Variants in ADNP2 observed in about 807,000 individuals in gnomAD.
The protein encoded by ADNP2 is ADNP homeobox 2, also known as activity-dependent neuroprotector homeobox protein 2.
A neutral mutation model predicts 16.4 loss-of-function variants in ADNP2; 8 were observed. The ratio of observed to expected loss-of-function variants is 0.49; its 90% confidence interval spans 0.29 to 0.88. ADNP2 has a LOEUF of 0.88. ADNP2 is among the 40% of genes least tolerant of loss of function. ADNP2 has a pLI of 0.09. For synonymous variants in ADNP2, 637 were observed against 545.8 expected (o/e 1.17, Z -2.33); for missense variants, 1,397 against 1,395.1 (o/e 1.00, Z -0.02).
Position 80,138,834 on chromosome 18 carries a change from ACTC to A in ADNP2, c.*26_*28del. 7.0e-7 allele frequency: 1 copy of A among 1,435,026 alleles called. No homozygotes were observed. 88.9% of individuals were successfully genotyped at this position (1,435,026 alleles called of 1,614,324 possible). A position where few individuals can be genotyped will look rare whatever the true frequency, so the allele number is the denominator to read the frequency against. ...AAACTTGCAAAAAAAAAAAAAAGTA[ACTC>A]TAAAGTAGTAGGTAGATTTTTTTCA... On this transcript the variant is annotated 3_prime_UTR_variant, in exon 4 of 4. Coordinates refer to ENST00000262198, the MANE Select transcript of ADNP2 (RefSeq NM_014913.4).
intron 2 of ADNP2, among the ~76,000 whole-genome samples, chr18:80,132,617 TTC>T (rs1234575907): frequency 6.6e-6 from 1 of 151,984 alleles, no homozygotes; most frequent in African/African-American, 2.4e-5. Flanking sequence ...CTCTTTCTCT[TTC>T]TTTTTTCTCT....
Position 80,136,211 on chromosome 18 carries a change from T to G in ADNP2, c.798T>G (p.Ile266Met). Residue 266 changes from isoleucine (I) to methionine (M), a missense_variant, in exon 4 of 4, where the codon ATT becomes ATG. Transcript: ENST00000262198. Reference sequence around the variant, plus strand: ...CTGGACTCTTGAAGCAAACGCACATTGCTCCAAAACCAGCAGCACATTTGG... The same window carrying G: ...CTGGACTCTTGAAGCAAACGCACATGGCTCCAAAACCAGCAGCACATTTGG... ...KRTGLLKQTH[I>M]APKPAAHLAA... The G allele has an allele frequency of 6.2e-7, 1 of 1,614,260 alleles. No individual in the cohort carries two copies. The highest frequency in any genetic ancestry group is 8.5e-7 in the Non-Finnish European group (1 of 1,180,042).
In ADNP2 at chr18:80,135,638, T is replaced by C; in HGVS notation, c.225T>C (p.Cys75=). The C allele has an allele frequency of 6.2e-7, 1 of 1,614,112 alleles. No individual in the cohort carries two copies. The highest frequency in any genetic ancestry group is 8.5e-7 in the Non-Finnish European group (1 of 1,179,946). ...KVRYRTKPYC[C]GLCKYSTKVL... ...GATATCGAACAAAGCCATACTGTTGTGGCCTCTGTAAATACTCTACAAAGG... is the reference window on the plus strand; with the variant it reads ...GATATCGAACAAAGCCATACTGTTGCGGCCTCTGTAAATACTCTACAAAGG... The change falls in exon 4 of 4, where the codon TGT becomes TGC. Residue 75 remains cysteine (C), a synonymous_variant. Coordinates refer to ENST00000262198, the MANE Select transcript of ADNP2 (RefSeq NM_014913.4).
chr18:80,118,000 T>G (rs909791815), intron 2 of ADNP2, among the ~76,000 whole-genome samples: 1 of 152,010 alleles, frequency 6.6e-6, no homozygotes, highest in East Asian at 1.9e-4. Context: ...AATGATAGGG[T>G]TTTTTTTAAT....
chr18:80,120,931 G>A (rs1442971948), intron 2 of ADNP2, among the ~76,000 whole-genome samples: 1 of 152,152 alleles, frequency 6.6e-6, no homozygotes, highest in African/African-American at 2.4e-5. Context: ...GAATTATGCT[G>A]CAATGAACAT....
rs1011709821 is a variant in ADNP2 at position 80,137,346 on chromosome 18, C to G, written c.1933C>G (p.Pro645Ala). ...APPQMPIQLLPSGAAAPMAGS... is the reference protein window; with the variant it reads ...APPQMPIQLLASGAAAPMAGS... ...GCCCCAGATGCCCATCCAGCTCCTG[C>G]CGTCAGGTGCAGCTGCACCAATGGC... The change falls in exon 4 of 4, where the codon CCG becomes GCG. Residue 645 changes from proline to alanine, a missense_variant. Transcript: ENST00000262198. This position sits in a 1 kb window ranked among gnomAD's most constrained non-coding sequence, Gnocchi z 4.2. 1 of 1,613,878 alleles carries G rather than the reference C, an allele frequency of 6.2e-7. No homozygotes were observed. The highest frequency in any genetic ancestry group is 1.3e-5 in the African/African-American group (1 of 74,934).
chr18:80,128,790 T>C (rs1448219966), intron 2 of ADNP2, among the ~76,000 whole-genome samples: 3 of 152,222 alleles, frequency 2.0e-5, no homozygotes, highest in Admixed American at 2.0e-4. Context: ...TGTAGCTTTT[T>C]TTTTAAAGTA....
chr18:80,118,982 T>G (rs1021046653), intron 2 of ADNP2, among the ~76,000 whole-genome samples: 2 of 152,028 alleles, frequency 1.3e-5, no homozygotes, highest in African/African-American at 4.8e-5. Context: ...TATAGGAAAA[T>G]GAGAAAACAG....
rs144506170 is a variant in ADNP2, at chr18:80,135,813, G to T, written c.400G>T (p.Val134Phe). The T allele has an allele frequency of 4.3e-6, 7 of 1,614,136 alleles. No individual in the cohort carries two copies. Among genetic ancestry groups the T allele is most frequent in the Non-Finnish European group, 5.9e-6 (7 of 1,180,036 alleles). Residue 134 changes from valine to phenylalanine, a missense_variant, in exon 4 of 4, where the codon GTC (valine) becomes TTC (phenylalanine). By Grantham distance (50) the Val-to-Phe change is conservative. Around this residue, in one of 3 missense-constraint regions of ADNP2, gnomAD observed 777 missense variants for 719.4 expected, o/e 1.08. Transcript: ENST00000262198. ...FRMFHAPVRK[V>F]QNYTVNILGE... ...AATGTTCCATGCACCTGTCCGGAAA[G>T]TCCAGAACTACACAGTGAATATTTT...
intron 2 of ADNP2, among the ~76,000 whole-genome samples, chr18:80,129,799 C>T (rs1463299517): frequency 6.6e-6 from 1 of 152,164 alleles, no homozygotes; most frequent in Non-Finnish European, 1.5e-5. Flanking sequence ...ATGCATTTAA[C>T]ACCTGTTGAT....
chr18:80,128,562 A>G (rs1472129906), intron 2 of ADNP2, among the ~76,000 whole-genome samples: 1 of 152,192 alleles, frequency 6.6e-6, no homozygotes. Flanking sequence ...AGGCAGGAGA[A>G]TTGGTTGAAC....
intron 3 of ADNP2, chr18:80,133,864 C>T (rs1204190385): frequency 1.3e-5 from 2 of 151,896 alleles, no homozygotes; most frequent in African/African-American, 2.4e-5. Flanking sequence ...GACAGGGTCT[C>T]ACTGTTGCCT....
chr18:80,117,476 T>C, intron 1 of ADNP2, 54 bp from the exon 2 acceptor site: 1 of 1,095,916 alleles, frequency 9.1e-7, no homozygotes, highest in Non-Finnish European at 1.3e-6. Flanking sequence ...AAAAATGTAT[T>C]TTTGTGTATT....
intron 2 of ADNP2, among the ~76,000 whole-genome samples, chr18:80,126,107 G>C (rs1321739373): frequency 6.6e-6 from 1 of 151,420 alleles, no homozygotes; most frequent in Non-Finnish European, 1.5e-5. Flanking sequence ...GCTCTCTTTT[G>C]GATTGAATAT....
intron 3 of ADNP2, 92 bp downstream of exon 3, chr18:80,133,284 G>T: frequency 9.9e-7 from 1 of 1,009,908 alleles, no homozygotes; most frequent in Non-Finnish European, 1.6e-6. Context: ...TATTGGGGTT[G>T]CTGGTGAGTG....
chr18:80,125,464 C>A (rs1417997647), intron 2 of ADNP2, among the ~76,000 whole-genome samples: 1 of 152,006 alleles, frequency 6.6e-6, no homozygotes, highest in African/African-American at 2.4e-5. Context: ...TAACATGGTG[C>A]AACCCCATCT....
chr18:80,138,651 T>C lies in ADNP2; in HGVS notation c.3238T>C (p.Phe1080Leu), dbSNP rs754736318. ...GGAAATAGAACTGTTGTCCTCACTC[T>C]TTTGGGTGTGGAAAATTGATGTGGC... ...KKEIELLSSL[F>L]WVWKIDVASF... Residue 1080 changes from phenylalanine (F) to leucine (L), a missense_variant, in exon 4 of 4, where the codon TTT becomes CTT. Physicochemically the swap from Phe to Leu is conservative, Grantham distance 22. This residue lies in a region of ADNP2 where 611 missense variants were observed against 648.7 expected (regional missense o/e 0.94). Coordinates refer to ENST00000262198, the MANE Select transcript of ADNP2 (RefSeq NM_014913.4). 1 of 1,611,854 alleles carries C rather than the reference T, an allele frequency of 6.2e-7. No individual in the cohort carries two copies. The highest frequency in any genetic ancestry group is 1.1e-5 in the South Asian group (1 of 90,034).
rs1284268472 is a variant in ADNP2 at position 80,137,905 on chromosome 18, A to T, written c.2492A>T (p.Lys831Met). The change falls in exon 4 of 4, where the codon AAG (lysine) becomes ATG (methionine). Residue 831 changes from lysine (K) to methionine (M), a missense_variant. Lys to Met is a moderately conservative substitution (Grantham distance 95). Coordinates refer to ENST00000262198, the MANE Select transcript of ADNP2 (RefSeq NM_014913.4). The surrounding 1 kb of genome is among the most constrained non-coding windows in gnomAD (Gnocchi z 4.2). Reference protein sequence around the residue: ...PHLDFITILPKEKLGEREVYL... With the variant: ...PHLDFITILPMEKLGEREVYL... The stretch of plus-strand genomic sequence containing the variant: ...CTTGATTTCATCACCATATTGCCAA[A>T]GGAGAAGCTTGGGGAGCGGGAAGTC... The T allele has an allele frequency of 1.2e-6, 2 of 1,613,918 alleles. No homozygotes were observed. The highest frequency in any genetic ancestry group is 2.2e-5 in the South Asian group (2 of 91,074).
At chr18:80,129,528 A>G (rs1284354859) in intron 2 of ADNP2, among the ~76,000 whole-genome samples, 1 of 152,052 alleles carries the variant, frequency 6.6e-6, no homozygotes, top group African/African-American at 2.4e-5. Flanking sequence ...TCCTGCAGAG[A>G]TGCCCCTCCT....
Sources: gnomAD v4.1 joint callset for allele counts (sites outside exome capture counted in the v4.1 genomes callset) on GRCh38, gnomAD v4.1.1 for gene constraint, gnomAD v4.1.1 regional missense constraint, Gnocchi (gnomAD v3.1) non-coding constraint, MANE v1.5 for transcripts, NCBI Gene and HGNC (gene_info 2026-07-23, HGNC 2026-07-21) for gene names.